WASF1: variants seen among roughly 807,000 people sequenced by gnomAD.
The protein encoded by WASF1 is actin-binding protein WASF1.
In WASF1, 7 loss-of-function variants were observed where a neutral mutation model predicts 50.5. That is an observed-to-expected ratio of 0.14 (90% CI 0.08 to 0.26). The LOEUF is 0.26. WASF1 is among the 10% of genes least tolerant of loss of function. WASF1 has a pLI of 1.00. For missense variants in WASF1, 470 were observed against 694.7 expected, an observed-to-expected ratio of 0.68 and a Z score of 3.64; for synonymous variants, 205 against 244.0, an observed-to-expected ratio of 0.84 and a Z score of 1.49.
intron 3 of WASF1, among the ~76,000 whole-genome samples, chr6:110,159,844 AT>A (rs1347722547): frequency 6.6e-6 from 1 of 151,806 alleles, no homozygotes; most frequent in Admixed American, 6.6e-5. Context: ...TACACGTGAA[AT>A]TTTCCACTTG....
intron 3 of WASF1, among the ~76,000 whole-genome samples, chr6:110,130,580 C>G (rs573162655): frequency 6.6e-6 from 1 of 152,246 alleles, no homozygotes; most frequent in Non-Finnish European, 1.5e-5. Context: ...GTATAATAGT[C>G]CACTATATGA....
intron 3 of WASF1, among the ~76,000 whole-genome samples, chr6:110,148,587 C>A (rs1775684898): frequency 6.6e-6 from 1 of 151,996 alleles, no homozygotes. Flanking sequence ...ATCAGAGACT[C>A]TAGGGTTAGT....
At chr6:110,146,276 T>C (rs1775556801) in intron 3 of WASF1, among the ~76,000 whole-genome samples, 1 of 152,176 alleles carries the variant, frequency 6.6e-6, no homozygotes, top group Non-Finnish European at 1.5e-5. Context: ...TGTTAAGAAT[T>C]TTGGGTAGGG....
chr6:110,124,682 G>A (rs888396130), intron 4 of WASF1, among the ~76,000 whole-genome samples: 1 of 152,088 alleles, frequency 6.6e-6, no homozygotes, highest in Non-Finnish European at 1.5e-5. Context: ...CGAGGCGGGT[G>A]GATCACTTGA....
At chr6:110,145,133 A>C (rs887210140) in intron 3 of WASF1, among the ~76,000 whole-genome samples, 12 of 151,912 alleles carry the variant, frequency 7.9e-5, no homozygotes, top group African/African-American at 1.2e-4. Context: ...CTTTTATTTC[A>C]TTGAGCAGTG....
At chr6:110,161,996 T>A (rs533497510) in intron 2 of WASF1, among the ~76,000 whole-genome samples, 119 of 151,730 alleles carry the variant, frequency 7.8e-4, no homozygotes, top group Non-Finnish European at 1.4e-3. Flanking sequence ...AAGTTTATTA[T>A]TAAGCAATTT....
At chr6:110,116,046 T>C (rs1681763780) in intron 4 of WASF1, among the ~76,000 whole-genome samples, 1 of 152,050 alleles carries the variant, frequency 6.6e-6, no homozygotes, top group Admixed American at 6.6e-5. Context: ...AAAGAAGACA[T>C]AGAAGAGGGG....
chr6:110,104,825 A>G (rs1773247129), intron 8 of WASF1, among the ~76,000 whole-genome samples: 1 of 152,154 alleles, frequency 6.6e-6, no homozygotes, highest in African/African-American at 2.4e-5. Context: ...TACCCAAATA[A>G]GTGTCTTCGT....
At chr6:110,121,208 C>G (rs911837987) in intron 4 of WASF1, among the ~76,000 whole-genome samples, 1 of 152,114 alleles carries the variant, frequency 6.6e-6, no homozygotes, top group Non-Finnish European at 1.5e-5. Flanking sequence ...AACTAAAGAG[C>G]CTCTGCACAG....
intron 9 of WASF1, among the ~76,000 whole-genome samples, chr6:110,102,879 T>C (rs1392780335): frequency 6.6e-6 from 1 of 152,212 alleles, no homozygotes; most frequent in African/African-American, 2.4e-5. Flanking sequence ...TGAAAGATTA[T>C]TATAAGCAAC....
chr6:110,126,739 A>G (rs186330366), intron 4 of WASF1, among the ~76,000 whole-genome samples: 4 of 152,342 alleles, frequency 2.6e-5, no homozygotes, highest in Admixed American at 6.5e-5. Context: ...CAGATTTTTT[A>G]AATTTTCTAA....
chr6:110,113,287 A>T (rs1020186817), intron 5 of WASF1, 39 bp downstream of exon 5: 14 of 1,455,514 alleles, frequency 9.6e-6, no homozygotes, highest in Non-Finnish European at 1.2e-5. Context: ...CTAACTTAAA[A>T]TATATACGTA....
intron 5 of WASF1, among the ~76,000 whole-genome samples, chr6:110,109,733 T>TA (rs111777766): frequency 6.7e-6 from 1 of 150,248 alleles, no homozygotes; most frequent in Admixed American, 6.6e-5. Flanking sequence ...TTTTTTTTTT[T>TA]AAATTTTTAG....
intron 2 of WASF1, among the ~76,000 whole-genome samples, chr6:110,177,688 T>C (rs577101957): frequency 6.6e-6 from 1 of 152,106 alleles, no homozygotes; most frequent in Non-Finnish European, 1.5e-5. Context: ...TCCTACACCA[T>C]CAACTTATAT....
rs1562170266 is a variant in WASF1, at chr6:110,124,230, T to TCCC, written c.133+3238_133+3239insGGG. On this transcript the variant is annotated intron_variant, in intron 4 of 10. Coordinates refer to ENST00000392589, the MANE Select transcript of WASF1 (RefSeq NM_003931.3). ...CTCTCTCTCTCTCCTCTCTCTCCTC[T>TCCC]CTCTCCTCTCTCTCTCTCTCTCTCT... Among the ~76,000 whole-genome samples the TCCC allele has an allele frequency of 2.1e-4, 11 of 52,856 alleles. 1 individual carries two copies. The highest frequency in any genetic ancestry group is 1.1e-3 in the African/African-American group (9 of 8,128). The allele number at this position is 52,856 out of a possible 152,430, so 34.7% of individuals were successfully genotyped here.
In WASF1 at chr6:110,128,598, G is replaced by A. The variant is rs543053228; in HGVS notation, c.-28-969C>T. On this transcript the variant is annotated intron_variant, in intron 3 of 10. Coordinates refer to ENST00000392589, the MANE Select transcript of WASF1 (RefSeq NM_003931.3). The stretch of plus-strand genomic sequence containing the variant: ...GCTTCGCATATGCACAAATTTGAGT[G>A]ACTCGAGTTAGTAACAACACTGCCC... Among the ~76,000 whole-genome samples, 137 of 152,340 alleles carry A rather than the reference G, an allele frequency of 9.0e-4. 2 individuals carry two copies. Among genetic ancestry groups the A allele is most frequent in the Non-Finnish European group, 9.4e-4 (64 of 68,024 alleles).
chr6:110,171,328 A>G (rs899294908), intron 2 of WASF1, among the ~76,000 whole-genome samples: 1 of 152,172 alleles, frequency 6.6e-6, no homozygotes, highest in Non-Finnish European at 1.5e-5. Flanking sequence ...ACACTTCTAA[A>G]TAACACATGG....
chr6:110,141,610 TGCCTTACTC>T (rs1357513163), intron 3 of WASF1, among the ~76,000 whole-genome samples: 2 of 152,156 alleles, frequency 1.3e-5, no homozygotes, highest in Admixed American at 6.5e-5. Context: ...GCAAAAATCT[TGCCTTACTC>T]GCCTTACTCA....
chr6:110,142,354 T>C (rs1486006100), intron 3 of WASF1, among the ~76,000 whole-genome samples: 3 of 152,218 alleles, frequency 2.0e-5, no homozygotes, highest in East Asian at 1.9e-4. Context: ...TTAGGTACAA[T>C]GCAAAAGCTT....
Sources: gnomAD v4.1 joint callset for allele counts (sites outside exome capture counted in the v4.1 genomes callset) on GRCh38, gnomAD v4.1.1 for gene constraint, MANE v1.5 for transcripts, NCBI Gene and HGNC (gene_info 2026-07-23, HGNC 2026-07-21) for gene names.